RTN4: variants seen among roughly 807,000 people sequenced by gnomAD.
The protein encoded by RTN4 is reticulon 4, also known as reticulon-4.
RTN4 carries 32 observed loss-of-function variants against 90.4 expected under a neutral mutation model. The ratio of observed to expected loss-of-function variants is 0.35; its 90% CI spans 0.27 to 0.48. RTN4 has a LOEUF of 0.48. Ranked by LOEUF, RTN4 falls within the 20% of genes least tolerant of loss-of-function variation. The pLI, the probability that RTN4 is intolerant of heterozygous loss-of-function variation, is 0.99. For missense variants in RTN4, 1,706 were observed against 1,430.2 expected, an observed-to-expected ratio of 1.19 and a Z score of -3.11; for synonymous variants, 629 against 552.5, an observed-to-expected ratio of 1.14 and a Z score of -1.94.
intron 4 of RTN4, among the ~76,000 whole-genome samples, chr2:54,983,518 A>C (rs547902856): frequency 3.3e-5 from 5 of 152,262 alleles, no homozygotes; most frequent in African/African-American, 1.2e-4. Flanking sequence ...CCTATGTCTC[A>C]GGATGCCAGT....
At chr2:55,024,502 GGT>G (rs954105498) in intron 3 of RTN4, among the ~76,000 whole-genome samples, 17 of 152,136 alleles carry the variant, frequency 1.1e-4, no homozygotes, top group Admixed American at 7.9e-4. Context: ...ATGCAAATCA[GGT>G]ATGTGGAAAA....
chr2:55,134,389 G>A, the RTN4 span, among the ~76,000 whole-genome samples: 3 of 152,066 alleles, frequency 2.0e-5, no homozygotes, highest in African/African-American at 7.2e-5. Flanking sequence ...TCCTAGACTT[G>A]GAGAAGGTCT....
upstream of RTN4, among the ~76,000 whole-genome samples, chr2:55,052,408 G>C (rs1351842471): frequency 6.6e-6 from 1 of 152,120 alleles, no homozygotes; most frequent in East Asian, 1.9e-4. Context: ...CTTTAAAAAA[G>C]GAAAAGAATA....
In RTN4 at chr2:55,049,797, C is replaced by G; in HGVS notation, c.504G>C (p.Ala168=). 1.6e-6 allele frequency: 2 copies of G among 1,280,698 alleles called. No homozygotes were observed. The highest frequency in any genetic ancestry group is 2.0e-6 in the Non-Finnish European group (2 of 1,015,596). 79.3% of individuals were successfully genotyped at this position (1,280,698 alleles called of 1,614,324 possible). ...VWTPPAPAPA[A]PPSTPAAPKR... ...TGGGCGCGGCCGGGGTGGAGGGGGG[C>G]GCGGCGGGAGCCGGGGCTGGCGGGG... Residue 168 remains alanine (A), a synonymous_variant, in exon 1 of 9, where the codon GCG becomes GCC. Coordinates refer to ENST00000337526, the MANE Select transcript of RTN4 (RefSeq NM_020532.5).
intron 2 of RTN4, among the ~76,000 whole-genome samples, chr2:55,070,545 C>CAAAAAAAA (rs747838297): frequency 1.3e-4 from 9 of 67,194 alleles, no homozygotes; most frequent in South Asian, 6.0e-4. Context: ...GACTCTGTCT[C>CAAAAAAAA]AAAAAAAAAA....
At chr2:55,088,968 T>A (rs548110980) in intron 1 of RTN4, among the ~76,000 whole-genome samples, 19 of 152,266 alleles carry the variant, frequency 1.2e-4, no homozygotes, top group African/African-American at 4.6e-4. Context: ...GTCTCGTTCT[T>A]GTTGCCCAGG....
intron 1 of RTN4, among the ~76,000 whole-genome samples, chr2:55,092,671 G>C (rs1489661474): frequency 1.3e-5 from 2 of 152,196 alleles, no homozygotes; most frequent in African/African-American, 4.8e-5. Context: ...ACACCCAATT[G>C]TGGCACCTGG....
chr2:55,129,109 C>CAAAAAAAAAA, the RTN4 span, among the ~76,000 whole-genome samples: 1 of 99,310 alleles, frequency 1.0e-5, no homozygotes. Flanking sequence ...GACTCCGTCT[C>CAAAAAAAAAA]AAAAAAAAAA....
chr2:55,112,253 C>A (rs1004389875), intron 1 of RTN4, among the ~76,000 whole-genome samples: 2 of 152,220 alleles, frequency 1.3e-5, no homozygotes, highest in Non-Finnish European at 2.9e-5. Context: ...GAACACTTAT[C>A]ATTTGCTAAG....
At chr2:55,075,530 A>G (rs911319282) in intron 2 of RTN4, among the ~76,000 whole-genome samples, 6 of 152,176 alleles carry the variant, frequency 3.9e-5, no homozygotes, top group African/African-American at 1.4e-4. Flanking sequence ...GCAATCTACA[A>G]ACTAAATGCA....
Position 55,049,872 on chromosome 2 carries a change from A to T in RTN4, c.429T>A (p.Pro143=). 4.6e-6 allele frequency: 6 copies of T among 1,310,004 alleles called. No homozygotes were observed. The highest frequency in any genetic ancestry group is 5.8e-6 in the Non-Finnish European group (6 of 1,032,686). The allele number at this position is 1,310,004 out of a possible 1,614,324, so 81.1% of individuals were successfully genotyped here. ...TCACGCTGGCCGGGGGAGGAGGGGG[A>T]GGCCGGGCCGGAGGCTCGTCGTCCT... is the stretch of plus-strand genomic sequence containing the variant. ...LPEDDEPPAR[P]PPPPPASVSP... is the part of the protein sequence containing the mutation. The change falls in exon 1 of 9, where the codon CCT becomes CCA. Residue 143 remains proline, a synonymous_variant. Coordinates refer to ENST00000337526, the MANE Select transcript of RTN4 (RefSeq NM_020532.5).
Position 55,027,329 on chromosome 2 carries a change from G to T in RTN4, c.770C>A (p.Thr257Lys), listed in dbSNP as rs571192430. ...AAGTGTTCCTTCAGTGGGTAATACTGTTGACAAATTACCAAGGTATTCATG... is the reference window on the plus strand; with the variant it reads ...AAGTGTTCCTTCAGTGGGTAATACTTTTGACAAATTACCAAGGTATTCATG... The part of the protein sequence containing the change: ...KEHEYLGNLS[T>K]VLPTEGTLQE... The change falls in exon 3 of 9, where the codon ACA becomes AAA. Residue 257 changes from threonine to lysine, a missense_variant. Thr to Lys is a moderately conservative substitution (Grantham distance 78, BLOSUM62 -1). Coordinates refer to ENST00000337526, the MANE Select transcript of RTN4 (RefSeq NM_020532.5). 2 of 1,613,586 alleles carry T rather than the reference G, an allele frequency of 1.2e-6. No homozygotes were observed. Among genetic ancestry groups the T allele is most frequent in the African/African-American group, 2.7e-5 (2 of 74,976 alleles).
chr2:55,064,035 A>G (rs1668348486), intron 2 of RTN4, among the ~76,000 whole-genome samples: 1 of 152,022 alleles, frequency 6.6e-6, no homozygotes, highest in Non-Finnish European at 1.5e-5. Flanking sequence ...AACCTGGGCA[A>G]CAAAGTGAGA....
intron 2 of RTN4, among the ~76,000 whole-genome samples, chr2:55,072,614 G>T (rs1296921757): frequency 6.6e-6 from 1 of 152,114 alleles, no homozygotes; most frequent in African/African-American, 2.4e-5. Flanking sequence ...TTTCACTTTT[G>T]ATAATAATTT....
the RTN4 span, among the ~76,000 whole-genome samples, chr2:55,132,893 GT>G: frequency 2.6e-5 from 2 of 77,810 alleles, no homozygotes; most frequent in South Asian, 3.2e-4. Flanking sequence ...CAGTTTTGTT[GT>G]TGTTTTTTTT....
At chr2:55,034,364 C>T (rs560180007) in intron 1 of RTN4, among the ~76,000 whole-genome samples, 13 of 151,996 alleles carry the variant, frequency 8.6e-5, no homozygotes, top group Middle Eastern at 3.4e-3. Flanking sequence ...TAGCCAGGCA[C>T]GGTAGCGTGT....
At chr2:55,053,916 G>C (rs989503988), upstream of RTN4, among the ~76,000 whole-genome samples, 1 of 152,076 alleles carries the variant, frequency 6.6e-6, no homozygotes, top group Non-Finnish European at 1.5e-5. Flanking sequence ...GCTAAATAAA[G>C]TGTACATATG....
chr2:55,066,193 T>TTGTGTGTG (rs57202019), intron 2 of RTN4, among the ~76,000 whole-genome samples: 18 of 111,046 alleles, frequency 1.6e-4, no homozygotes, highest in African/African-American at 4.1e-4. Flanking sequence ...GTGTGTGTGT[T>TTGTGTGTG]TGTGTGTGTG....
intron 1 of RTN4, among the ~76,000 whole-genome samples, chr2:55,031,344 G>A (rs978357373): frequency 1.3e-5 from 2 of 152,186 alleles, no homozygotes; most frequent in African/African-American, 4.8e-5. Flanking sequence ...AGAAGCCTAA[G>A]AATACCGCAC....
Sources: gnomAD v4.1 joint callset for allele counts (sites outside exome capture counted in the v4.1 genomes callset) on GRCh38, gnomAD v4.1.1 for gene constraint, MANE v1.5 for transcripts, NCBI Gene and HGNC (gene_info 2026-07-23, HGNC 2026-07-21) for gene names.